The following SYT5 variants were observed in gnomAD, a reference collection of about 807,000 sequenced individuals.
The protein encoded by SYT5 is synaptotagmin 5.
A neutral mutation model predicts 36.0 loss-of-function variants in SYT5; 29 were observed. That is an observed-to-expected ratio of 0.81 (90% CI 0.60 to 1.10). The LOEUF is 1.10. Ranked by LOEUF, SYT5 falls within the 50% of genes least tolerant of loss-of-function variation. The pLI is 0.00. For synonymous variants in SYT5, 231 were observed against 227.6 expected (o/e 1.02, Z -0.14); for missense variants, 512 against 516.0 (o/e 0.99, Z 0.08).
At position 55,175,620 on chromosome 19, in the gene SYT5, C is replaced by T; in HGVS notation, c.540+89G>A. 1 of 1,530,888 alleles carries T rather than the reference C, an allele frequency of 6.5e-7. No homozygotes were observed. Among genetic ancestry groups the T allele is most frequent in the Non-Finnish European group, 8.9e-7 (1 of 1,129,284 alleles). The allele number at this position is 1,530,888 out of a possible 1,614,324, so 94.8% of individuals were successfully genotyped here. ...GTAGCTGCCACCTGAGCTGTGGCCG[C>T]CTCCAGGAAAAGCGGAAGGGGTCGG... On this transcript the variant is annotated intron_variant, in intron 5 of 8. Transcript: ENST00000354308. The surrounding 1 kb of genome is among the most constrained non-coding windows in gnomAD (Gnocchi z 4.5).
At chr19:55,176,209 G>A in intron 3 of SYT5, 85 bp from the exon 4 acceptor site, 1 of 1,582,000 alleles carries the variant, frequency 6.3e-7, no homozygotes, top group East Asian at 2.2e-5. Flanking sequence ...AGGCTCACAG[G>A]TCCCTTGGGC....
At chr19:55,178,158 G>T (rs568540486) in intron 3 of SYT5, 38 bp downstream of exon 3, 2 of 1,593,890 alleles carry the variant, frequency 1.3e-6, no homozygotes, top group Non-Finnish European at 1.7e-6. Context: ...AGCAGGGTGC[G>T]GGAAGGGGCC....
intron 8 of SYT5, 145 bp downstream of exon 8, chr19:55,174,372 G>T: frequency 1.8e-6 from 2 of 1,096,612 alleles, no homozygotes; most frequent in Non-Finnish European, 2.5e-6. Flanking sequence ...GAGGCTTCCT[G>T]GTCCTCATAG....
At position 55,175,570 on chromosome 19, in the gene SYT5, G is replaced by A. The variant is rs1299931467; in HGVS notation, c.540+139C>T. On this transcript the variant is annotated intron_variant, in intron 5 of 8. Coordinates refer to ENST00000354308, the MANE Select transcript of SYT5 (RefSeq NM_003180.3). This position sits in a 1 kb window ranked among gnomAD's most constrained non-coding sequence, Gnocchi z 4.5. ...AGCCCAGGAGTCAGTAGTGCCCAGG[G>A]TCCAGTGGAATAGCCCCAGAGCTGG... 8.1e-7 allele frequency: 1 copy of A among 1,238,566 alleles called. No homozygotes were observed. The highest frequency in any genetic ancestry group is 1.1e-6 in the Non-Finnish European group (1 of 883,734). The allele number at this position is 1,238,566 out of a possible 1,614,324, so 76.7% of individuals were successfully genotyped here.
At position 55,173,253 on chromosome 19, in the gene SYT5, TG is replaced by T; in HGVS notation, c.*230del. The T allele has an allele frequency of 4.9e-6, 2 of 408,920 alleles. No homozygotes were observed. The highest frequency in any genetic ancestry group is 8.5e-6 in the Non-Finnish European group (2 of 236,544). The allele number at this position is 408,920 out of a possible 1,614,324, so 25.3% of individuals were successfully genotyped here. On this transcript the variant is annotated 3_prime_UTR_variant, in exon 9 of 9. Coordinates refer to ENST00000354308, the MANE Select transcript of SYT5 (RefSeq NM_003180.3). This position sits in a 1 kb window ranked among gnomAD's most constrained non-coding sequence, Gnocchi z 5.4. ...GGCTGCCTTCCCTTCCCGGGGTCCC[TG>T]GGGCATCTGGGTGTGTCCGCGAGGG...
chr19:55,179,683 C>G lies in SYT5; in HGVS notation c.-46+434G>C, dbSNP rs1254717717. On this transcript the variant is annotated intron_variant, in intron 1 of 8. Coordinates refer to ENST00000354308, the MANE Select transcript of SYT5 (RefSeq NM_003180.3). The surrounding 1 kb of genome is among the most constrained non-coding windows in gnomAD (Gnocchi z 4.5). The stretch of plus-strand genomic sequence containing the variant: ...CTGAGACGCAGGTTCCCTCTTCCCT[C>G]TCCCCAATTTTGCTGGAGGGCGGGT... 6.4e-6 allele frequency: 1 copy of G among 155,580 alleles called. No homozygotes were observed. 9.6% of individuals were successfully genotyped at this position (155,580 alleles called of 1,614,324 possible).
At chr19:55,176,554 G>A (rs2086079263) in intron 3 of SYT5, among the ~76,000 whole-genome samples, 1 of 152,212 alleles carries the variant, frequency 6.6e-6, no homozygotes, top group Admixed American at 6.5e-5. Flanking sequence ...CCATTCTAAA[G>A]TTGAATGAAA....
At position 55,175,208 on chromosome 19, in the gene SYT5, C is replaced by G; in HGVS notation, c.672G>C (p.Gln224His). ...MSSVDLGRPV[Q>H]AWRELQAAPR... Reference sequence around the variant, plus strand: ...GAGCCGCCTGCAGCTCCCGCCAGGCCTGCACTGGCCGCCCCAGGTCCACGG... The same window carrying G: ...GAGCCGCCTGCAGCTCCCGCCAGGCGTGCACTGGCCGCCCCAGGTCCACGG... The change falls in exon 6 of 9, where the codon CAG (glutamine) becomes CAC (histidine). Residue 224 changes from glutamine to histidine, a missense_variant. By Grantham distance (24) the Gln-to-His change is conservative. Coordinates refer to ENST00000354308, the MANE Select transcript of SYT5 (RefSeq NM_003180.3). This position sits in a 1 kb window ranked among gnomAD's most constrained non-coding sequence, Gnocchi z 4.5. The G allele has an allele frequency of 6.2e-7, 1 of 1,610,240 alleles. No individual in the cohort carries two copies. Among genetic ancestry groups the G allele is most frequent in the East Asian group, 2.2e-5 (1 of 44,760 alleles).
At chr19:55,178,100 A>G in intron 3 of SYT5, 96 bp downstream of exon 3, 1 of 1,412,052 alleles carries the variant, frequency 7.1e-7, no homozygotes, top group Non-Finnish European at 9.5e-7. Context: ...GTGGGTTCCT[A>G]TAGGACAGAA....
Position 55,175,640 on chromosome 19 carries a change from G to T in SYT5, c.540+69C>A. On this transcript the variant is annotated intron_variant, in intron 5 of 8. Coordinates refer to ENST00000354308, the MANE Select transcript of SYT5 (RefSeq NM_003180.3). The surrounding 1 kb of genome is among the most constrained non-coding windows in gnomAD (Gnocchi z 4.5). ...GGCCGCCTCCAGGAAAAGCGGAAGG[G>T]GTCGGTCCCTAGTGTTCCAGGGACT... The T allele has an allele frequency of 6.4e-7, 1 of 1,568,856 alleles. No homozygotes were observed. Among genetic ancestry groups the T allele is most frequent in the Non-Finnish European group, 8.7e-7 (1 of 1,153,894 alleles).
chr19:55,175,613 G>A lies in SYT5; in HGVS notation c.540+96C>T. The A allele has an allele frequency of 6.6e-7, 1 of 1,509,398 alleles. No individual in the cohort carries two copies. The highest frequency in any genetic ancestry group is 9.0e-7 in the Non-Finnish European group (1 of 1,110,686). 93.5% of individuals were successfully genotyped at this position (1,509,398 alleles called of 1,614,324 possible). The stretch of plus-strand genomic sequence containing the variant: ...AGAGCTGGTAGCTGCCACCTGAGCT[G>A]TGGCCGCCTCCAGGAAAAGCGGAAG... On this transcript the variant is annotated intron_variant, in intron 5 of 8. Coordinates refer to ENST00000354308, the MANE Select transcript of SYT5 (RefSeq NM_003180.3). This position sits in a 1 kb window ranked among gnomAD's most constrained non-coding sequence, Gnocchi z 4.5.
rs1218332523 is a variant in SYT5, at chr19:55,175,203, C to A, written c.677G>T (p.Trp226Leu). The A allele has an allele frequency of 5.0e-6, 8 of 1,609,108 alleles. No individual in the cohort carries two copies. The East Asian group carries it at 1.8e-4, about 36-fold the overall frequency. ...SVDLGRPVQAWRELQAAPREE... is the reference protein window; with the variant it reads ...SVDLGRPVQALRELQAAPREE... Reference sequence around the variant, plus strand: ...CCGCGGAGCCGCCTGCAGCTCCCGCCAGGCCTGCACTGGCCGCCCCAGGTC... The same window carrying A: ...CCGCGGAGCCGCCTGCAGCTCCCGCAAGGCCTGCACTGGCCGCCCCAGGTC... The change falls in exon 6 of 9, where the codon TGG becomes TTG. Residue 226 changes from tryptophan to leucine, a missense_variant. Transcript: ENST00000354308. This position sits in a 1 kb window ranked among gnomAD's most constrained non-coding sequence, Gnocchi z 4.5.
rs1208050605 is a variant in SYT5 at position 55,172,448 on chromosome 19, C to CA, written c.*1035dup. On this transcript the variant is annotated 3_prime_UTR_variant, in exon 9 of 9. Transcript: ENST00000354308. ...AAAAACAAAAACAAAAACAAAAAAA[C>CA]AAACAAACAAAAAAAAAACAAGAGA... 7.6e-6 allele frequency: 1 copy of CA among 131,070 alleles called. No homozygotes were observed. Among genetic ancestry groups the CA allele is most frequent in the African/African-American group, 3.0e-5 (1 of 33,398 alleles). 8.1% of individuals were successfully genotyped at this position (131,070 alleles called of 1,614,324 possible).
chr19:55,178,094 G>C, intron 3 of SYT5, 102 bp downstream of exon 3: 2 of 1,352,234 alleles, frequency 1.5e-6, no homozygotes, highest in Non-Finnish European at 2.0e-6. Flanking sequence ...AGTAAGGTGG[G>C]TTCCTATAGG....
At position 55,173,925 on chromosome 19, in the gene SYT5, G is replaced by C. The variant is rs927749811; in HGVS notation, c.961-241C>G. ...CTAAGGAAATGAACCCTCAGGACTC[G>C]GTTGCGGAGCGGGTGTGTTCGGCGC... On this transcript the variant is annotated intron_variant, in intron 8 of 8. Transcript: ENST00000354308. This position sits in a 1 kb window ranked among gnomAD's most constrained non-coding sequence, Gnocchi z 5.4. 12 of 415,458 alleles carry C rather than the reference G, an allele frequency of 2.9e-5. No individual in the cohort carries two copies. The highest frequency in any genetic ancestry group is 4.4e-5 in the Admixed American group (1 of 22,522). 25.7% of individuals were successfully genotyped at this position (415,458 alleles called of 1,614,324 possible).
intron 3 of SYT5, 108 bp downstream of exon 3, chr19:55,178,088 A>T: frequency 3.1e-6 from 4 of 1,273,138 alleles, no homozygotes; most frequent in Non-Finnish European, 4.3e-6. Flanking sequence ...TGAGCCAGTA[A>T]GGTGGGTTCC....
At position 55,174,618 on chromosome 19, in the gene SYT5, C is replaced by T; in HGVS notation, c.859G>A (p.Gly287Ser). 1 of 1,613,922 alleles carries T rather than the reference C, an allele frequency of 6.2e-7. No individual in the cohort carries two copies. Among genetic ancestry groups the T allele is most frequent in the Non-Finnish European group, 8.5e-7 (1 of 1,179,950 alleles). ...PYVKVHLLQG[G>S]KKVRKKKTTI... The stretch of plus-strand genomic sequence containing the variant: ...GTTTTCTTCTTCCGCACCTTTTTGC[C>T]GCCCTGCAGCAGGTGGACCTTGACG... The change falls in exon 8 of 9, where the codon GGC becomes AGC. Residue 287 changes from glycine to serine, a missense_variant. Coordinates refer to ENST00000354308, the MANE Select transcript of SYT5 (RefSeq NM_003180.3).
Position 55,173,968 on chromosome 19 carries a change from T to C in SYT5, c.961-284A>G. ...TTCGGCGCCTCCTGGGGGAGCAGCC[T>C]CCTAAGAGCCGCAAAGCTGCAGAAC... On this transcript the variant is annotated intron_variant, in intron 8 of 8. Coordinates refer to ENST00000354308, the MANE Select transcript of SYT5 (RefSeq NM_003180.3). This position sits in a 1 kb window ranked among gnomAD's most constrained non-coding sequence, Gnocchi z 5.4. 2.7e-6 allele frequency: 1 copy of C among 372,554 alleles called. No individual in the cohort carries two copies. Among genetic ancestry groups the C allele is most frequent in the Non-Finnish European group, 4.8e-6 (1 of 210,156 alleles). The allele number at this position is 372,554 out of a possible 1,614,324, so 23.1% of individuals were successfully genotyped here.
At chr19:55,174,775 C>T in intron 7 of SYT5, 107 bp downstream of exon 7, 1 of 1,566,948 alleles carries the variant, frequency 6.4e-7, no homozygotes, top group Non-Finnish European at 8.7e-7. Context: ...TCCACAGCAG[C>T]CAGGTCCTCC....
Sources: gnomAD v4.1 joint callset for allele counts (sites outside exome capture counted in the v4.1 genomes callset) on GRCh38, gnomAD v4.1.1 for gene constraint, Gnocchi (gnomAD v3.1) non-coding constraint, MANE v1.5 for transcripts, NCBI Gene and HGNC (gene_info 2026-07-23, HGNC 2026-07-21) for gene names.